The following FMNL2 variants were observed in gnomAD, a reference collection of about 807,000 sequenced individuals.
FMNL2 encodes the protein formin-like protein 2.
FMNL2 carries 51 observed loss-of-function variants against 130.2 expected under a neutral mutation model. That is an observed-to-expected ratio of 0.39 (90% confidence interval 0.31 to 0.49). FMNL2 has a LOEUF of 0.49. FMNL2 is among the 20% of genes least tolerant of loss of function. The pLI, the probability that FMNL2 is intolerant of heterozygous loss-of-function variation, is 0.85. For missense variants in FMNL2, 977 were observed against 1,316.2 expected (o/e 0.74, Z 3.99); for synonymous variants, 465 against 467.1 (o/e 1.00, Z 0.06).
In FMNL2 at chr2:152,589,940, CATATATATATAT is replaced by C. The variant is rs771625998; in HGVS notation, c.876+8924_876+8935del. On this transcript the variant is annotated intron_variant, in intron 9 of 25. Coordinates refer to ENST00000288670, the MANE Select transcript of FMNL2 (RefSeq NM_052905.4). ...ATGTACCACCACACCTGGCTTTATA[CATATATATATAT>C]ATATATATATATATATATATATATA... Among the ~76,000 whole-genome samples, 365 of 67,032 alleles carry C rather than the reference CATATATATATAT, an allele frequency of 5.4e-3. 1 individual carries two copies. The highest frequency in any genetic ancestry group is 5.9e-3 in the African/African-American group (101 of 17,172). The allele number at this position is 67,032 out of a possible 152,430, so 44.0% of individuals were successfully genotyped here. A position where few individuals can be genotyped will look rare whatever the true frequency, so the allele number is the denominator to read the frequency against.
intron 22 of FMNL2, among the ~76,000 whole-genome samples, chr2:152,636,966 G>C (rs1177595164): frequency 6.6e-6 from 1 of 152,134 alleles, no homozygotes; most frequent in African/African-American, 2.4e-5. Flanking sequence ...CACTATACTG[G>C]GGGTTGCTGA....
chr2:152,502,633 G>A (rs1346843241), intron 1 of FMNL2, among the ~76,000 whole-genome samples: 3 of 152,208 alleles, frequency 2.0e-5, no homozygotes, highest in African/African-American at 7.2e-5. Flanking sequence ...ATTGCAGTGA[G>A]TCAAGGTCGT....
intron 1 of FMNL2, among the ~76,000 whole-genome samples, chr2:152,481,585 C>T (rs540645841): frequency 6.6e-6 from 1 of 152,282 alleles, no homozygotes; most frequent in African/African-American, 2.4e-5. Flanking sequence ...TAAAGCCTCC[C>T]AGGTGAGTCT....
intron 1 of FMNL2, among the ~76,000 whole-genome samples, chr2:152,481,471 G>A (rs754207441): frequency 2.1e-4 from 32 of 152,138 alleles, no homozygotes; most frequent in Non-Finnish European, 4.0e-4. Context: ...GGTATTTCAC[G>A]TGAGACTCAC....
intron 2 of FMNL2, among the ~76,000 whole-genome samples, chr2:152,525,839 AC>A (rs1327520775): frequency 1.3e-5 from 2 of 151,974 alleles, no homozygotes; most frequent in Non-Finnish European, 2.9e-5. Flanking sequence ...AAGCCTCATT[AC>A]TCTCATTGTG....
chr2:152,548,901 G>A (rs1694793490), intron 3 of FMNL2, 120 bp from the exon 4 acceptor site: 2 of 775,742 alleles, frequency 2.6e-6, no homozygotes, highest in Non-Finnish European at 3.9e-6. Context: ...CAAAAAAAGT[G>A]AGGGAAGCCC....
At chr2:152,547,273 C>T (rs1276602203) in intron 3 of FMNL2, among the ~76,000 whole-genome samples, 5 of 152,056 alleles carry the variant, frequency 3.3e-5, no homozygotes, top group South Asian at 2.1e-4. Context: ...AGTACTGTGC[C>T]GAGCCTCCTC....
At chr2:152,515,957 T>G (rs1156485038) in intron 1 of FMNL2, among the ~76,000 whole-genome samples, 1 of 152,180 alleles carries the variant, frequency 6.6e-6, no homozygotes, top group Non-Finnish European at 1.5e-5. Flanking sequence ...TGGTTTAAGA[T>G]CACCCGTAAT....
Position 152,637,656 on chromosome 2 carries a change from G to T in FMNL2, c.2928G>T (p.Arg976=), listed in dbSNP as rs374183349. Residue 976 remains arginine, a synonymous_variant, in exon 23 of 26, where the codon CGG becomes CGT. Transcript: ENST00000288670. The part of the protein sequence containing the change: ...PPSVFFPVFV[R]FVKAYKQAEE... ...CTGTCTTCTTTCCTGTCTTTGTCCGGTTTGTGAAAGCATATAAGGTATATG... is the reference window on the plus strand; with the variant it reads ...CTGTCTTCTTTCCTGTCTTTGTCCGTTTTGTGAAAGCATATAAGGTATATG... The T allele has an allele frequency of 1.6e-4, 251 of 1,613,794 alleles. No individual in the cohort carries two copies. Among genetic ancestry groups the T allele is most frequent in the Admixed American group, 3.8e-4 (23 of 59,996 alleles).
chr2:152,619,228 A>G, intron 14 of FMNL2, 70 bp downstream of exon 14: 4 of 1,472,832 alleles, frequency 2.7e-6, no homozygotes, highest in Non-Finnish European at 3.6e-6. Flanking sequence ...CCAACTGTCC[A>G]CTTCTGTCCT....
intron 1 of FMNL2, among the ~76,000 whole-genome samples, chr2:152,375,507 G>A (rs541943422): frequency 1.9e-4 from 29 of 152,332 alleles, no homozygotes; most frequent in African/African-American, 4.6e-4. Flanking sequence ...AAAAATGGTA[G>A]CAATGTTAAG....
Position 152,619,709 on chromosome 2 carries a change from G to A in FMNL2, c.1828G>A (p.Gly610Arg), listed in dbSNP as rs1286361698. Reference protein sequence around the residue: ...TSSPTVVFNSGLAAVKIKKPI... With the variant: ...TSSPTVVFNSRLAAVKIKKPI... ...TTCACCCACAGTGGTTTTCAACTCA[G>A]GATTAGCAGGTAAGAGCACAGAATT... The change falls in exon 15 of 26, where the codon GGA becomes AGA. Residue 610 changes from glycine (G) to arginine (R), a missense_variant. Physicochemically the swap from Gly to Arg is moderately radical, Grantham distance 125. This residue lies in a region of FMNL2 where 689 missense variants were observed against 995.9 expected (regional missense o/e 0.69). Coordinates refer to ENST00000288670, the MANE Select transcript of FMNL2 (RefSeq NM_052905.4). 6 of 1,611,084 alleles carry A rather than the reference G, an allele frequency of 3.7e-6. No individual in the cohort carries two copies. The highest frequency in any genetic ancestry group is 4.2e-6 in the Non-Finnish European group (5 of 1,179,110).
intron 9 of FMNL2, among the ~76,000 whole-genome samples, chr2:152,590,318 A>T (rs1192794066): frequency 6.6e-6 from 1 of 152,074 alleles, no homozygotes; most frequent in Non-Finnish European, 1.5e-5. Flanking sequence ...ACACAGGGTT[A>T]TATTAACCGT....
intron 9 of FMNL2, among the ~76,000 whole-genome samples, chr2:152,584,626 G>A (rs1195499226): frequency 6.6e-6 from 1 of 152,306 alleles, no homozygotes; most frequent in East Asian, 1.9e-4. Context: ...TGTATCTTAA[G>A]TAGTTTATGT....
chr2:152,494,459 A>C (rs1198401330), intron 1 of FMNL2, among the ~76,000 whole-genome samples: 1 of 152,204 alleles, frequency 6.6e-6, no homozygotes, highest in African/African-American at 2.4e-5. Flanking sequence ...ATAATGCTGC[A>C]GTGTTTTCAG....
At chr2:152,592,167 A>G (rs561987114) in intron 9 of FMNL2, among the ~76,000 whole-genome samples, 2 of 152,372 alleles carry the variant, frequency 1.3e-5, no homozygotes, top group African/African-American at 4.8e-5. Flanking sequence ...TGAGAAAGGT[A>G]GGACTGACTT....
At chr2:152,596,075 G>A (rs1329021291) in intron 9 of FMNL2, among the ~76,000 whole-genome samples, 9 of 148,394 alleles carry the variant, frequency 6.1e-5, no homozygotes, top group African/African-American at 7.5e-5. Context: ...CGATTCTCCC[G>A]CCTCTGCCTC....
intron 1 of FMNL2, among the ~76,000 whole-genome samples, chr2:152,350,721 AATT>A (rs1682430025): frequency 6.6e-6 from 1 of 152,112 alleles, no homozygotes; most frequent in South Asian, 2.1e-4. Flanking sequence ...TCCTTTACAA[AATT>A]ATTGTATTTT....
At chr2:152,642,980 G>C (rs1252450955) in intron 25 of FMNL2, among the ~76,000 whole-genome samples, 1 of 151,458 alleles carries the variant, frequency 6.6e-6, no homozygotes, top group African/African-American at 2.4e-5. Flanking sequence ...CTGCACTCCA[G>C]CCTGGGCAAT....
Sources: gnomAD v4.1 joint callset for allele counts (sites outside exome capture counted in the v4.1 genomes callset) on GRCh38, gnomAD v4.1.1 for gene constraint, gnomAD v4.1.1 regional missense constraint, MANE v1.5 for transcripts, NCBI Gene and HGNC (gene_info 2026-07-23, HGNC 2026-07-21) for gene names.